KDM5B: variants seen among roughly 807,000 people sequenced by gnomAD.
KDM5B encodes the protein lysine-specific demethylase 5B.
KDM5B carries 144 observed loss-of-function variants against 193.4 expected under a neutral mutation model. The ratio of observed to expected loss-of-function variants is 0.74; its 90% confidence interval spans 0.65 to 0.86. The LOEUF is 0.86. Among genes scored for constraint, KDM5B ranks in the 40% least tolerant of loss-of-function variants. The probability of loss-of-function intolerance (pLI) is 0.00; values close to 1 mark genes in which losing one functional copy is unlikely to be tolerated. For missense variants in KDM5B, 1,833 were observed against 1,886.9 expected (o/e 0.97, Z 0.53); for synonymous variants, 668 against 682.6 (o/e 0.98, Z 0.33).
At chr1:202,782,380 A>G (rs901336978) in intron 1 of KDM5B, among the ~76,000 whole-genome samples, 12 of 152,142 alleles carry the variant, frequency 7.9e-5, no homozygotes, top group African/African-American at 2.7e-4. Context: ...TTTCATTTTA[A>G]GTAGAGATGA....
At position 202,736,706 on chromosome 1, in the gene KDM5B, A is replaced by G. The variant is rs1434764214; in HGVS notation, c.3085-314T>C. Among the ~76,000 whole-genome samples the G allele has an allele frequency of 3.3e-5, 5 of 151,872 alleles. No individual in the cohort carries two copies. The East Asian group carries it at 7.7e-4, about 23-fold the overall frequency. On this transcript the variant is annotated intron_variant, in intron 20 of 26. Coordinates refer to ENST00000367265, the MANE Select transcript of KDM5B (RefSeq NM_006618.5). ...GCCTGGGCTGCAATGCAGTGGTGCA[A>G]TCTCAGCTCACTGCAACCTCTACCT... is the stretch of plus-strand genomic sequence containing the variant.
intron 1 of KDM5B, among the ~76,000 whole-genome samples, chr1:202,787,414 T>C (rs1378662181): frequency 6.6e-6 from 1 of 152,248 alleles, no homozygotes; most frequent in South Asian, 2.1e-4. Flanking sequence ...ACATGGATTG[T>C]ATCTATAGAT....
At chr1:202,799,288 C>T (rs981156907) in intron 1 of KDM5B, among the ~76,000 whole-genome samples, 6 of 151,898 alleles carry the variant, frequency 4.0e-5, no homozygotes, top group Admixed American at 6.6e-5. Context: ...GAAGACTCTA[C>T]CCACCTATTT....
At chr1:202,804,190 T>C (rs1658192567) in intron 1 of KDM5B, among the ~76,000 whole-genome samples, 1 of 152,148 alleles carries the variant, frequency 6.6e-6, no homozygotes, top group Non-Finnish European at 1.5e-5. Flanking sequence ...ACTCTGAAAA[T>C]ATCAAAAACC....
At chr1:202,732,160 T>C (rs1310545919) in intron 23 of KDM5B, 6 of 488,076 alleles carry the variant, frequency 1.2e-5, no homozygotes, top group East Asian at 3.9e-5. Flanking sequence ...CCAGTTTTAC[T>C]TGGACTGATT....
chr1:202,768,410 C>T (rs746938007), intron 4 of KDM5B, among the ~76,000 whole-genome samples: 33 of 152,074 alleles, frequency 2.2e-4, no homozygotes, highest in Non-Finnish European at 4.0e-4. Flanking sequence ...GAAATAACAA[C>T]CTTCCTGAAG....
In KDM5B at chr1:202,742,655, C is replaced by A; in HGVS notation, c.2474G>T (p.Arg825Ile). 1 of 1,613,890 alleles carries A rather than the reference C, an allele frequency of 6.2e-7. No homozygotes were observed. Among genetic ancestry groups the A allele is most frequent in the Non-Finnish European group, 8.5e-7 (1 of 1,179,874 alleles). ...AACTCACGCAGTCAGAAGCGCATAC[C>A]TAGTTTGCCTTTTGCCATTAAGCAA... is the stretch of plus-strand genomic sequence containing the variant. Reference protein sequence around the residue: ...QQLLNGKRQTRYRSGGGKSQN... With the variant: ...QQLLNGKRQTIYRSGGGKSQN... Residue 825 changes from arginine to isoleucine, a missense_variant and splice_region_variant, in exon 17 of 27, where the codon AGA (arginine) becomes ATA (isoleucine). Physicochemically the swap from Arg to Ile is moderately conservative, Grantham distance 97. This residue lies in a region of KDM5B where 1,379 missense variants were observed against 1,349.6 expected (regional missense o/e 1.02). Transcript: ENST00000367265.
chr1:202,745,346 CTA>C (rs1274816741), intron 16 of KDM5B, among the ~76,000 whole-genome samples: 2 of 152,068 alleles, frequency 1.3e-5, no homozygotes, highest in African/African-American at 4.8e-5. Context: ...AAAAAACAAA[CTA>C]TATTTTCATA....
rs182757951 is a variant in KDM5B, at chr1:202,733,491, C to T, written c.3819G>A (p.Gly1273=). Reference sequence around the variant, plus strand: ...CTCGATCTTGCACAAATTTAAGATTCCCTGACGAAAGCAGTTGCTGGGCTC... The same window carrying T: ...CTCGATCTTGCACAAATTTAAGATTTCCTGACGAAAGCAGTTGCTGGGCTC... ...QHRAQQLLSS[G]NLKFVQDRVG... Residue 1273 remains glycine (G), a synonymous_variant, in exon 23 of 27, where the codon GGG becomes GGA. Coordinates refer to ENST00000367265, the MANE Select transcript of KDM5B (RefSeq NM_006618.5). 7.9e-4 allele frequency: 1,272 copies of T among 1,614,162 alleles called. 8 individuals are homozygous for T. The East Asian group carries it at 0.012, about 16-fold the overall frequency.
At position 202,740,728 on chromosome 1, in the gene KDM5B, C is replaced by T; in HGVS notation, c.3030G>A (p.Leu1010=). The T allele has an allele frequency of 6.2e-7, 1 of 1,612,954 alleles. No homozygotes were observed. The highest frequency in any genetic ancestry group is 8.5e-7 in the Non-Finnish European group (1 of 1,179,978). The change falls in exon 20 of 27, where the codon CTG becomes CTA. Residue 1010 remains leucine (L), a synonymous_variant. Transcript: ENST00000367265. ...CTCTGGCTCTCTGCACTGAGTCTTT[C>T]AGAGCCGCACCATTGGGCAGATATG... ...IPAYLPNGAA[L]KDSVQRARDW... is the part of the protein sequence containing the mutation.
chr1:202,769,342 C>A (rs1656613905), intron 4 of KDM5B, among the ~76,000 whole-genome samples: 1 of 150,418 alleles, frequency 6.6e-6, no homozygotes, highest in South Asian at 2.1e-4. Context: ...GGCCGCCTGG[C>A]CTATTATATT....
At position 202,736,311 on chromosome 1, in the gene KDM5B, A is replaced by G. The variant is rs200556867; in HGVS notation, c.3166T>C (p.Leu1056=). 1 of 1,612,952 alleles carries G rather than the reference A, an allele frequency of 6.2e-7. No homozygotes were observed. The highest frequency in any genetic ancestry group is 2.2e-5 in the East Asian group (1 of 44,654). ...GRSIPVHLNS[L]PRLETLVAEV... is the part of the protein sequence containing the mutation. Reference sequence around the variant, plus strand: ...GCTACTAGGGTTTCCAGTCTTGGCAAAGAATTCAGATGTACGGGGATAGAT... The same window carrying G: ...GCTACTAGGGTTTCCAGTCTTGGCAGAGAATTCAGATGTACGGGGATAGAT... Residue 1056 remains leucine (L), a synonymous_variant, in exon 21 of 27, where the codon TTG becomes CTG. Coordinates refer to ENST00000367265, the MANE Select transcript of KDM5B (RefSeq NM_006618.5).
chr1:202,743,542 C>T (rs556541547), intron 16 of KDM5B, among the ~76,000 whole-genome samples: 3 of 152,252 alleles, frequency 2.0e-5, no homozygotes, highest in South Asian at 2.1e-4. Context: ...AATGATATTG[C>T]TCCTTTCCCC....
intron 1 of KDM5B, among the ~76,000 whole-genome samples, chr1:202,802,020 G>T (rs1658096954): frequency 6.7e-6 from 1 of 150,302 alleles, no homozygotes. Context: ...TACTATAACA[G>T]GTATATTAGA....
intron 12 of KDM5B, 34 bp downstream of exon 12, chr1:202,752,871 G>A: frequency 6.3e-7 from 1 of 1,579,930 alleles, no homozygotes; most frequent in Non-Finnish European, 8.6e-7. Context: ...GGTGAATTAA[G>A]CTTGAGTGGC....
rs879394841 is a variant in KDM5B, at chr1:202,735,565, A to G, written c.3287T>C (p.Ile1096Thr). Residue 1096 changes from isoleucine to threonine, a missense_variant, in exon 22 of 27, where the codon ATT (isoleucine) becomes ACT (threonine). Transcript: ENST00000367265. Reference sequence around the variant, plus strand: ...CTTCCTTTTCAATCCCAAAAGGCCAATATCACATCGAGGACACAGCACCTA... The same window carrying G: ...CTTCCTTTTCAATCCCAAAAGGCCAGTATCACATCGAGGACACAGCACCTA... ...LLEVLCPRCDIGLLGLKRKQR... is the reference protein window; with the variant it reads ...LLEVLCPRCDTGLLGLKRKQR... 3 of 1,613,912 alleles carry G rather than the reference A, an allele frequency of 1.9e-6. No individual in the cohort carries two copies. Among genetic ancestry groups the G allele is most frequent in the African/African-American group, 1.3e-5 (1 of 74,926 alleles).
chr1:202,728,955 T>C lies in KDM5B; in HGVS notation c.*81A>G. The C allele has an allele frequency of 6.4e-7, 1 of 1,561,844 alleles. No homozygotes were observed. Among genetic ancestry groups the C allele is most frequent in the Non-Finnish European group, 8.8e-7 (1 of 1,136,232 alleles). ...CAGGCTGGCTTGAGTACCAGTCCTG[T>C]AGCTTTGCTGAGATTTGAAGAAATC... On this transcript the variant is annotated 3_prime_UTR_variant, in exon 27 of 27. Transcript: ENST00000367265.
intron 21 of KDM5B, 59 bp from the exon 22 acceptor site, chr1:202,735,646 G>A: frequency 2.0e-6 from 3 of 1,494,718 alleles, no homozygotes; most frequent in Non-Finnish European, 9.2e-7. Flanking sequence ...GCATTATGTA[G>A]GAAGTCCCAA....
intron 1 of KDM5B, among the ~76,000 whole-genome samples, chr1:202,802,760 C>A (rs1658128287): frequency 6.6e-6 from 1 of 152,262 alleles, no homozygotes; most frequent in South Asian, 2.1e-4. Flanking sequence ...AAATGTAAAC[C>A]AGTAAACACA....
Sources: allele counts gnomAD v4.1 joint callset (sites outside exome capture counted in the v4.1 genomes callset), GRCh38; gene constraint gnomAD v4.1.1; regional missense constraint gnomAD v4.1.1; transcripts MANE v1.5; gene names NCBI Gene and HGNC (gene_info 2026-07-23, HGNC 2026-07-21).